Variants in GLI3 observed in about 807,000 individuals in gnomAD.
GLI3 encodes GLI family zinc finger 3, also known as transcription activator GLI3.
In GLI3, 20 loss-of-function variants were observed where a neutral mutation model predicts 100.8. That is an observed-to-expected ratio of 0.20 (90% CI 0.14 to 0.29). The LOEUF (loss-of-function observed/expected upper bound fraction) is 0.29, where lower values mean the gene tolerates loss of function less well. Among genes scored for constraint, GLI3 ranks in the 10% least tolerant of loss-of-function variants. GLI3 has a pLI of 1.00. For synonymous variants in GLI3, 938 were observed against 860.5 expected, an observed-to-expected ratio of 1.09 and a Z score of -1.58; for missense variants, 2,040 against 2,128.5, an observed-to-expected ratio of 0.96 and a Z score of 0.82.
chr7:42,021,031 C>T (rs1466221197), intron 10 of GLI3, among the ~76,000 whole-genome samples: 1 of 152,114 alleles, frequency 6.6e-6, no homozygotes, highest in East Asian at 1.9e-4. Context: ...TATAACAGGC[C>T]ACCATTACTG....
intron 1 of GLI3, among the ~76,000 whole-genome samples, chr7:42,236,347 G>A (rs911578652): frequency 6.6e-6 from 1 of 152,174 alleles, no homozygotes; most frequent in Admixed American, 6.5e-5. Flanking sequence ...GAAAGGAAAA[G>A]AAATAAGAGA....
intron 7 of GLI3, among the ~76,000 whole-genome samples, chr7:42,033,885 C>G (rs2128735832): frequency 6.6e-6 from 1 of 152,322 alleles, no homozygotes; most frequent in East Asian, 1.9e-4. Context: ...CCCAGCCCAG[C>G]CTCAGAAGTA....
intron 4 of GLI3, among the ~76,000 whole-genome samples, chr7:42,060,392 CAG>C (rs1180179293): frequency 2.6e-5 from 4 of 152,132 alleles, no homozygotes; most frequent in African/African-American, 9.7e-5. Flanking sequence ...TTTCTCCTAA[CAG>C]ATAGATTAAG....
chr7:42,071,101 AGG>A (rs1784775368), intron 4 of GLI3, among the ~76,000 whole-genome samples: 1 of 152,224 alleles, frequency 6.6e-6, no homozygotes, highest in Admixed American at 6.5e-5. Flanking sequence ...ATATTTATTT[AGG>A]AGCTACCATA....
chr7:42,007,867 T>TA (rs1471416527), intron 10 of GLI3, among the ~76,000 whole-genome samples: 4 of 152,158 alleles, frequency 2.6e-5, no homozygotes, highest in African/African-American at 9.7e-5. Flanking sequence ...TATGTCGGCC[T>TA]AGTTTGTTTT....
chr7:42,145,911 C>T (rs1786695573), intron 3 of GLI3, among the ~76,000 whole-genome samples: 1 of 152,168 alleles, frequency 6.6e-6, no homozygotes, highest in Admixed American at 6.5e-5. Context: ...ATCACCCTAT[C>T]CCACAGTGAG....
intron 1 of GLI3, among the ~76,000 whole-genome samples, chr7:42,245,033 C>T (rs1788957962): frequency 1.3e-5 from 2 of 152,204 alleles, no homozygotes; most frequent in Non-Finnish European, 2.9e-5. Context: ...GGAAATGACT[C>T]ACGTCCCAGA....
At chr7:41,974,898 G>T (rs943091790) in intron 12 of GLI3, among the ~76,000 whole-genome samples, 1 of 152,228 alleles carries the variant, frequency 6.6e-6, no homozygotes, top group Admixed American at 6.5e-5. Context: ...GCAGTGCACA[G>T]CACCAGCTTC....
intron 3 of GLI3, among the ~76,000 whole-genome samples, chr7:42,106,931 G>A (rs900917722): frequency 7.9e-5 from 12 of 152,032 alleles, no homozygotes; most frequent in African/African-American, 2.7e-4. Context: ...TGGGGAGGGC[G>A]GATATTTTTT....
At chr7:42,137,777 G>T (rs761275504) in intron 3 of GLI3, among the ~76,000 whole-genome samples, 96 of 152,198 alleles carry the variant, frequency 6.3e-4, no homozygotes, top group Non-Finnish European at 8.2e-4. Context: ...CATGTGATGG[G>T]TCATAGTCAA....
intron 1 of GLI3, among the ~76,000 whole-genome samples, chr7:42,248,254 A>G (rs1382224169): frequency 1.3e-5 from 2 of 152,176 alleles, no homozygotes. Flanking sequence ...AAATCATCAT[A>G]AAGTTGCTCA....
At chr7:42,148,585 C>T (rs987504030) in intron 2 of GLI3, 117 bp from the exon 3 acceptor site, 1 of 996,174 alleles carries the variant, frequency 1.0e-6, no homozygotes, top group Non-Finnish European at 1.6e-6. Flanking sequence ...GTATCTTTCT[C>T]ATTCACAGCA....
chr7:42,000,116 C>T lies in GLI3; in HGVS notation c.1498-21368G>A, dbSNP rs189567917. ...TTGACCGTATTACACACAGGAAGCA[C>T]GGCGGGAACTTTCTATCTTAGAAGG... On this transcript the variant is annotated intron_variant, in intron 10 of 14. Transcript: ENST00000395925. 5.3e-5 allele frequency among the ~76,000 whole-genome samples: 8 copies of T among 152,246 alleles called. No individual in the cohort carries two copies. In the East Asian group the frequency reaches 5.8e-4, roughly 11 times the overall value.
Position 42,182,658 on chromosome 7 carries a change from A to ATATATATATATATATACATGTGTGTGTG in GLI3, c.125-34191_125-34190insCACACACACATGTATATATATATATATA, listed in dbSNP as rs1562775706. Among the ~76,000 whole-genome samples, 221 of 55,998 alleles carry ATATATATATATATATACATGTGTGTGTG rather than the reference A, an allele frequency of 3.9e-3. 4 individuals carry two copies. The highest frequency in any genetic ancestry group is 0.014 in the South Asian group (23 of 1,596). 36.7% of individuals were successfully genotyped at this position (55,998 alleles called of 152,430 possible). A position where few individuals can be genotyped will look rare whatever the true frequency, so the allele number is the denominator to read the frequency against. On this transcript the variant is annotated intron_variant, in intron 2 of 14. Coordinates refer to ENST00000395925, the MANE Select transcript of GLI3 (RefSeq NM_000168.6). ...TATATGTGTGTGTATATATATATAT[A>ATATATATATATATATACATGTGTGTGTG]TATATATATATATATATATATATAC... is the stretch of plus-strand genomic sequence containing the variant.
rs77462308 is a variant in GLI3 at position 42,050,532 on chromosome 7, G to A, written c.474-1836C>T. ...TGTGTTTGCTACCTTAGAAGGTACA[G>A]GGGATGCTCTAATTCATTCATTTAT... On this transcript the variant is annotated intron_variant, in intron 4 of 14. Coordinates refer to ENST00000395925, the MANE Select transcript of GLI3 (RefSeq NM_000168.6). Among the ~76,000 whole-genome samples the A allele has an allele frequency of 6.8e-3, 1,040 of 152,318 alleles. 17 individuals carry two copies. The highest frequency in any genetic ancestry group is 0.023 in the African/African-American group (970 of 41,568).
chr7:41,983,659 C>G (rs907758873), intron 10 of GLI3, among the ~76,000 whole-genome samples: 1 of 151,994 alleles, frequency 6.6e-6, no homozygotes, highest in East Asian at 1.9e-4. Context: ...GCCAGAGGCC[C>G]GAGAGTCAGA....
chr7:42,233,691 A>C (rs925629038), intron 1 of GLI3, among the ~76,000 whole-genome samples: 2 of 152,196 alleles, frequency 1.3e-5, no homozygotes, highest in African/African-American at 4.8e-5. Flanking sequence ...TACTTGAAAA[A>C]GTTTGCAGCA....
chr7:42,080,803 G>T (rs942025351), intron 3 of GLI3, among the ~76,000 whole-genome samples: 3 of 152,116 alleles, frequency 2.0e-5, no homozygotes, highest in African/African-American at 7.2e-5. Context: ...GTTTCTATGT[G>T]GCTCAGCGGC....
At chr7:42,188,016 A>AAAAAAAAAAAAAAAAAG (rs1787753856) in intron 2 of GLI3, among the ~76,000 whole-genome samples, 1 of 151,356 alleles carries the variant, frequency 6.6e-6, no homozygotes, top group Non-Finnish European at 1.5e-5. Flanking sequence ...AAAAAAAAAA[A>AAAAAAAAAAAAAAAAAG]AATAGGCCAG....
Sources: allele counts gnomAD v4.1 joint callset (sites outside exome capture counted in the v4.1 genomes callset), GRCh38; gene constraint gnomAD v4.1.1; transcripts MANE v1.5; gene names NCBI Gene and HGNC (gene_info 2026-07-23, HGNC 2026-07-21).